Variants in DMD observed in about 807,000 individuals in gnomAD.
DMD encodes the protein mutant dystrophin.
DMD carries 63 observed loss-of-function variants against 330.1 expected under a neutral mutation model. That is an observed-to-expected ratio of 0.19 (90% CI 0.16 to 0.24). The LOEUF (loss-of-function observed/expected upper bound fraction) is 0.24. DMD is among the 10% of genes least tolerant of loss of function. DMD has a pLI of 1.00. For missense variants in DMD, 3,344 were observed against 2,684.1 expected (o/e 1.25, Z -5.43); for synonymous variants, 1,223 against 959.8 (o/e 1.27, Z -5.07).
At chrX:32,544,152 G>C (rs773724230) in intron 17 of DMD, among the ~76,000 whole-genome samples, 1 of 112,040 alleles carries the variant, frequency 8.9e-6, no homozygotes, top group African/African-American at 3.2e-5. Flanking sequence ...GCTTAGCCAA[G>C]CTGACACAAC....
chrX:31,816,808 A>ACACACACACACACACACC (rs2092641490), intron 50 of DMD, among the ~76,000 whole-genome samples: 1 of 108,344 alleles, frequency 9.2e-6, no homozygotes, highest in Admixed American at 1.0e-4. Flanking sequence ...ACACACACAC[A>ACACACACACACACACACC]CACACACACA....
chrX:32,651,148 TTC>T (rs1184614767), intron 9 of DMD, among the ~76,000 whole-genome samples: 3 of 110,609 alleles, frequency 2.7e-5, no homozygotes, highest in South Asian at 7.7e-4. Context: ...CTTTTTTTTT[TTC>T]TGTTTTTTTG....
At chrX:32,966,474 T>A (rs746997860) in intron 2 of DMD, among the ~76,000 whole-genome samples, 1 of 111,871 alleles carries the variant, frequency 8.9e-6, no homozygotes, top group Non-Finnish European at 1.9e-5. Flanking sequence ...GATCTATGTA[T>A]ACATTTTAAA....
chrX:31,651,797 T>C (rs944534478), intron 54 of DMD, among the ~76,000 whole-genome samples: 1 of 111,685 alleles, frequency 9.0e-6, no homozygotes, highest in Admixed American at 9.5e-5. Context: ...ACCTCTCCCA[T>C]TCTGATCCCA....
chrX:32,594,808 T>C (rs749190936), intron 13 of DMD, among the ~76,000 whole-genome samples: 28 of 111,986 alleles, frequency 2.5e-4, no homozygotes, highest in African/African-American at 9.1e-4. Flanking sequence ...CTAAGAATCA[T>C]CTCTGTTTCA....
At position 32,455,684 on chromosome X, in the gene DMD, A is replaced by G. The variant is rs1008297045; in HGVS notation, c.3433-852T>C. On this transcript the variant is annotated intron_variant, in intron 25 of 78. Coordinates refer to ENST00000357033, the MANE Select transcript of DMD (RefSeq NM_004006.3). ...TTTAAAGACCAAACATCTTGAAAAC[A>G]AACCCAAAGGTGCTTTCATGAGAGA... Among the ~76,000 whole-genome samples the G allele has an allele frequency of 9.9e-5, 11 of 111,534 alleles. No homozygotes were observed. The East Asian group carries it at 3.1e-3, about 32-fold the overall frequency.
At chrX:31,712,464 C>G (rs1408092885) in intron 52 of DMD, among the ~76,000 whole-genome samples, 1 of 111,520 alleles carries the variant, frequency 9.0e-6, no homozygotes, top group African/African-American at 3.3e-5. Flanking sequence ...GCTTATTGCT[C>G]CAGGTTACCA....
intron 1 of DMD, among the ~76,000 whole-genome samples, chrX:33,143,804 A>C (rs2047907518): frequency 8.9e-6 from 1 of 111,863 alleles, no homozygotes; most frequent in Non-Finnish European, 1.9e-5. Context: ...AACTTTGTAC[A>C]CATTTCTCTG....
chrX:31,255,079 A>G (rs1287805536), intron 63 of DMD, among the ~76,000 whole-genome samples: 1 of 108,984 alleles, frequency 9.2e-6, no homozygotes, highest in Non-Finnish European at 1.9e-5. Flanking sequence ...AAGTATCTCT[A>G]AGCAGCATAT....
chrX:32,733,089 CA>C (rs1170502961), intron 7 of DMD, among the ~76,000 whole-genome samples: 1 of 106,302 alleles, frequency 9.4e-6, no homozygotes, highest in African/African-American at 3.5e-5. Context: ...AAATGGAAAA[CA>C]AAAAAAGGCA....
intron 43 of DMD, among the ~76,000 whole-genome samples, chrX:32,235,944 C>T (rs1269394525): frequency 1.8e-5 from 2 of 111,619 alleles, no homozygotes; most frequent in Non-Finnish European, 3.8e-5. Flanking sequence ...TCCACCCTCA[C>T]ATAACAGCTA....
At chrX:33,111,662 G>C (rs1417244195) in intron 1 of DMD, among the ~76,000 whole-genome samples, 1 of 111,696 alleles carries the variant, frequency 9.0e-6, no homozygotes, top group Non-Finnish European at 1.9e-5. Context: ...ATTCGAGTGC[G>C]ATGGCATAGT....
chrX:32,875,838 C>G (rs2083333705), intron 2 of DMD, among the ~76,000 whole-genome samples: 2 of 111,960 alleles, frequency 1.8e-5, no homozygotes, highest in Admixed American at 9.5e-5. Flanking sequence ...GCTGGCTTCT[C>G]TATATCTGCA....
chrX:31,717,395 CTA>C (rs966490752), intron 52 of DMD, among the ~76,000 whole-genome samples: 2 of 111,887 alleles, frequency 1.8e-5, no homozygotes, highest in African/African-American at 3.3e-5. Context: ...CTATTTATTG[CTA>C]TGTCTCTTAA....
At chrX:33,176,375 T>C (rs2049647420) in intron 1 of DMD, among the ~76,000 whole-genome samples, 1 of 109,423 alleles carries the variant, frequency 9.1e-6, no homozygotes, top group Non-Finnish European at 1.9e-5. Context: ...ACAATAAATA[T>C]TGTGCATAAA....
intron 48 of DMD, among the ~76,000 whole-genome samples, chrX:31,849,215 CATTT>C (rs55862537): frequency 0.25 from 27,401 of 107,535 alleles, 3,175 homozygotes; most frequent in East Asian, 0.46. Flanking sequence ...TATGTTCAAA[CATTT>C]ATTTATTTAT....
chrX:32,220,992 A>C (rs2097130104), intron 43 of DMD, among the ~76,000 whole-genome samples: 1 of 111,418 alleles, frequency 9.0e-6, no homozygotes, highest in South Asian at 3.7e-4. Context: ...TTCACCGTGC[A>C]ACCGGTATTT....
At chrX:31,492,603 T>G (rs187742691) in intron 57 of DMD, among the ~76,000 whole-genome samples, 18 of 111,685 alleles carry the variant, frequency 1.6e-4, no homozygotes, top group Admixed American at 1.5e-3. Context: ...CCATTCACAA[T>G]AGCAAAGGCG....
chrX:32,038,901 T>C (rs1253242900), intron 44 of DMD, among the ~76,000 whole-genome samples: 1 of 111,476 alleles, frequency 9.0e-6, no homozygotes, highest in Non-Finnish European at 1.9e-5. Flanking sequence ...TGTAATCGTG[T>C]CACTTGGATC....
Sources: allele counts gnomAD v4.1 joint callset (sites outside exome capture counted in the v4.1 genomes callset), GRCh38; gene constraint gnomAD v4.1.1; transcripts MANE v1.5; gene names NCBI Gene and HGNC (gene_info 2026-07-23, HGNC 2026-07-21).